The following FMN1 variants were observed in gnomAD, a reference collection of about 807,000 sequenced individuals.
FMN1 encodes formin-1.
Under a neutral mutation model 132.4 loss-of-function variants are expected in FMN1, and 110 were observed. The observed-to-expected ratio is 0.83, with a 90% confidence interval of 0.71 to 0.97. FMN1 has a LOEUF of 0.97. Among genes scored for constraint, FMN1 ranks in the 50% least tolerant of loss-of-function variants. The pLI is 0.00. For missense variants in FMN1, 1,792 were observed against 1,705.3 expected, an observed-to-expected ratio of 1.05 and a Z score of -0.90; for synonymous variants, 722 against 651.7, an observed-to-expected ratio of 1.11 and a Z score of -1.64.
At chr15:33,122,036 TAC>T (rs1161735565) in intron 4 of FMN1, among the ~76,000 whole-genome samples, 1 of 151,960 alleles carries the variant, frequency 6.6e-6, no homozygotes, top group African/African-American at 2.4e-5. Context: ...AGGAGCACAA[TAC>T]AGTCAGGCCA....
At chr15:33,007,260 A>G (rs528392434) in intron 7 of FMN1, among the ~76,000 whole-genome samples, 2 of 152,350 alleles carry the variant, frequency 1.3e-5, no homozygotes, top group South Asian at 4.1e-4. Context: ...AGCAGTCATG[A>G]GTTAACATTA....
intron 3 of FMN1, among the ~76,000 whole-genome samples, chr15:33,164,064 C>G (rs1276811126): frequency 6.6e-6 from 1 of 151,928 alleles, no homozygotes. Context: ...GACATGGGCT[C>G]AAGGACACAT....
chr15:32,956,404 C>T (rs935513613), intron 9 of FMN1, among the ~76,000 whole-genome samples: 1 of 151,484 alleles, frequency 6.6e-6, no homozygotes, highest in Non-Finnish European at 1.5e-5. Flanking sequence ...AAACGTACAA[C>T]TTCTGGGGCT....
chr15:32,926,336 A>T, intron 9 of FMN1, 75 bp from the exon 10 acceptor site: 5 of 801,490 alleles, frequency 6.2e-6, no homozygotes, highest in Non-Finnish European at 7.9e-6. Flanking sequence ...CACCAAAAAC[A>T]TTAAATTTTT....
At chr15:32,928,718 G>A (rs1014646160) in intron 9 of FMN1, among the ~76,000 whole-genome samples, 8 of 152,156 alleles carry the variant, frequency 5.3e-5, no homozygotes. Flanking sequence ...ACACATCAAT[G>A]ACAAGGACAC....
chr15:32,901,209 T>C (rs1567356895), intron 13 of FMN1, among the ~76,000 whole-genome samples: 1 of 152,190 alleles, frequency 6.6e-6, no homozygotes, highest in Non-Finnish European at 1.5e-5. Context: ...GGCAGACTTC[T>C]TTTTCTGCTC....
intron 17 of FMN1, among the ~76,000 whole-genome samples, chr15:32,818,183 T>C (rs923602764): frequency 2.0e-5 from 3 of 152,170 alleles, no homozygotes; most frequent in African/African-American, 7.2e-5. Flanking sequence ...GTAATGTCCT[T>C]TCTTGCTTTT....
intron 16 of FMN1, among the ~76,000 whole-genome samples, chr15:32,887,305 C>G (rs2059919250): frequency 6.6e-6 from 1 of 152,170 alleles, no homozygotes; most frequent in African/African-American, 2.4e-5. Context: ...TCCATTTCCA[C>G]ATTAACACGC....
chr15:32,957,138 C>T lies in FMN1; in HGVS notation c.3138+6969G>A, dbSNP rs368266295. ...GAGAGGGAGACGGGGAGAGAGGAAT[C>T]CTTTTACATATCTTACAGAAGAGGA... On this transcript the variant is annotated intron_variant, in intron 9 of 20. Coordinates refer to ENST00000616417, the MANE Select transcript of FMN1 (RefSeq NM_001277313.2). Among the ~76,000 whole-genome samples the T allele has an allele frequency of 6.2e-4, 94 of 152,046 alleles. 2 individuals are homozygous for T. The South Asian group carries it at 0.019, about 31-fold the overall frequency.
At chr15:33,031,245 A>C (rs923760696) in intron 6 of FMN1, among the ~76,000 whole-genome samples, 2 of 152,136 alleles carry the variant, frequency 1.3e-5, no homozygotes, top group Non-Finnish European at 2.9e-5. Context: ...AAACTCAATA[A>C]ATGTCCATCG....
intron 15 of FMN1, among the ~76,000 whole-genome samples, chr15:32,895,145 G>A (rs1048150898): frequency 2.1e-4 from 32 of 152,008 alleles, no homozygotes; most frequent in African/African-American, 7.2e-4. Context: ...TTTCTTAAAA[G>A]GTTACACGTA....
At chr15:33,009,351 A>G (rs2034583656) in intron 6 of FMN1, among the ~76,000 whole-genome samples, 1 of 152,210 alleles carries the variant, frequency 6.6e-6, no homozygotes, top group Non-Finnish European at 1.5e-5. Flanking sequence ...CTACATAGAC[A>G]TGAACCAGAT....
At chr15:33,069,013 T>C (rs1328203300) in intron 5 of FMN1, among the ~76,000 whole-genome samples, 1 of 152,188 alleles carries the variant, frequency 6.6e-6, no homozygotes, top group Non-Finnish European at 1.5e-5. Flanking sequence ...CATGACACAG[T>C]GTAACACACA....
intron 17 of FMN1, among the ~76,000 whole-genome samples, chr15:32,811,536 T>TA (rs573908455): frequency 0.081 from 11,710 of 144,648 alleles, 1,315 homozygotes; most frequent in African/African-American, 0.25. Context: ...AGTCATAAAA[T>TA]AAAAAAAAAA....
At chr15:33,081,139 A>G (rs755373336) in intron 5 of FMN1, among the ~76,000 whole-genome samples, 20 of 152,144 alleles carry the variant, frequency 1.3e-4, no homozygotes, top group Non-Finnish European at 2.8e-4. Flanking sequence ...TTTCGCTTGG[A>G]AACTTGAAGT....
In FMN1 at chr15:33,066,636, T is replaced by C. The variant is rs1394351779; in HGVS notation, c.2044-1562A>G. On this transcript the variant is annotated intron_variant, in intron 5 of 20. Transcript: ENST00000616417. ...TCCAGCTCAGAGGTGTCAGCTGTGG[T>C]CCCCTTTCTGGGGGGCCGGATGAAT... The C allele has an allele frequency of 2.5e-6, 4 of 1,613,764 alleles. No homozygotes were observed. In the African/African-American group the frequency reaches 5.3e-5, roughly 22 times the overall value.
At chr15:33,037,069 T>C (rs760884934) in intron 6 of FMN1, among the ~76,000 whole-genome samples, 1 of 152,264 alleles carries the variant, frequency 6.6e-6, no homozygotes, top group Non-Finnish European at 1.5e-5. Flanking sequence ...GATTTCAAAA[T>C]TGACCTGGAA....
chr15:32,957,295 G>GTTTTTTTT (rs1278874015), intron 9 of FMN1, among the ~76,000 whole-genome samples: 2 of 74,102 alleles, frequency 2.7e-5, no homozygotes, highest in Admixed American at 1.6e-4. Context: ...TATCAGAGCA[G>GTTTTTTTT]TTCTTTTTTT....
intron 4 of FMN1, among the ~76,000 whole-genome samples, chr15:33,125,433 A>G (rs1182581835): frequency 2.9e-5 from 4 of 136,764 alleles, no homozygotes; most frequent in Admixed American, 1.5e-4. Context: ...CACTAAGACA[A>G]TATGTGTAGA....
Sources: allele counts gnomAD v4.1 joint callset (sites outside exome capture counted in the v4.1 genomes callset), GRCh38; gene constraint gnomAD v4.1.1; transcripts MANE v1.5; gene names NCBI Gene and HGNC (gene_info 2026-07-23, HGNC 2026-07-21).